The following TTI1 variants were observed in gnomAD, a reference collection of about 807,000 sequenced individuals.
The protein encoded by TTI1 is TELO2-interacting protein 1 homolog.
TTI1 carries 52 observed loss-of-function variants against 85.4 expected under a neutral mutation model. That is an observed-to-expected ratio of 0.61 (90% CI 0.49 to 0.77). The LOEUF (loss-of-function observed/expected upper bound fraction) is 0.77. Among genes scored for constraint, TTI1 ranks in the 30% least tolerant of loss-of-function variants. The pLI is 0.00. For synonymous variants in TTI1, 512 were observed against 503.9 expected (o/e 1.02, Z -0.22); for missense variants, 1,173 against 1,296.0 (o/e 0.91, Z 1.46).
chr20:37,984,953 C>T (rs1487764081), intron 7 of TTI1, among the ~76,000 whole-genome samples: 2 of 152,200 alleles, frequency 1.3e-5, no homozygotes, highest in South Asian at 2.1e-4. Flanking sequence ...TGGTGAGTTA[C>T]TACATTGCAC....
At chr20:37,999,418 A>C in intron 4 of TTI1, 90 bp from the exon 5 acceptor site, 3 of 1,288,228 alleles carry the variant, frequency 2.3e-6, no homozygotes, top group Non-Finnish European at 3.0e-6. Context: ...ACATTTAGAA[A>C]CGTATTAATT....
chr20:37,998,250 CACAT>C (rs10618231), intron 5 of TTI1, among the ~76,000 whole-genome samples: 33,415 of 151,884 alleles, frequency 0.22, 3,975 homozygotes, highest in African/African-American at 0.33. Context: ...TTCTTTGGCA[CACAT>C]ACATACACAC....
At chr20:37,993,213 G>T (rs1246735162) in intron 7 of TTI1, among the ~76,000 whole-genome samples, 1 of 21,206 alleles carries the variant, frequency 4.7e-5, no homozygotes, top group Non-Finnish European at 9.3e-5. Flanking sequence ...CCTCCCCCAT[G>T]CCTCCCCCAG....
At chr20:37,995,760 T>C (rs955988650) in intron 7 of TTI1, among the ~76,000 whole-genome samples, 1 of 152,234 alleles carries the variant, frequency 6.6e-6, no homozygotes, top group African/African-American at 2.4e-5. Flanking sequence ...CAAATAAGCA[T>C]GGTCAAACTC....
rs142076549 is a variant in TTI1, at chr20:38,007,750, T to A, written c.2303-1353A>T. 7.9e-3 allele frequency among the ~76,000 whole-genome samples: 1,199 copies of A among 152,348 alleles called. 6 individuals carry two copies. The highest frequency in any genetic ancestry group is 0.022 in the African/African-American group (934 of 41,576). On this transcript the variant is annotated intron_variant, in intron 2 of 7. Transcript: ENST00000373447. ...TGCACAGAGCAAGAGCAGCAGCAGA[T>A]GGGAGATGACAGGGCCAGGCAACTG...
At position 38,013,591 on chromosome 20, in the gene TTI1, C is replaced by G. The variant is rs146525372; in HGVS notation, c.226G>C (p.Glu76Gln). The G allele has an allele frequency of 9.0e-5, 145 of 1,614,216 alleles. 1 individual carries two copies. The East Asian group carries it at 3.2e-3, about 36-fold the overall frequency. The change falls in exon 2 of 8, where the codon GAA becomes CAA. Residue 76 changes from glutamate (E) to glutamine (Q), a missense_variant. By Grantham distance (29) the Glu-to-Gln change is conservative. Transcript: ENST00000373447. ...KRERLIQSVVECLTFVLSSTC... is the reference protein window; with the variant it reads ...KRERLIQSVVQCLTFVLSSTC... Reference sequence around the variant, plus strand: ...GAAGAAAGGACAAATGTGAGGCATTCCACCACACTTTGGATCAAACGCTCT... The same window carrying G: ...GAAGAAAGGACAAATGTGAGGCATTGCACCACACTTTGGATCAAACGCTCT...
intron 2 of TTI1, among the ~76,000 whole-genome samples, chr20:38,011,063 T>C (rs1193404465): frequency 6.6e-6 from 1 of 152,246 alleles, no homozygotes; most frequent in Non-Finnish European, 1.5e-5. Flanking sequence ...AGTACCGTTC[T>C]AGACAATATG....
chr20:38,025,706 A>C (rs2073828550), intron 1 of TTI1, among the ~76,000 whole-genome samples: 1 of 152,248 alleles, frequency 6.6e-6, no homozygotes, highest in Non-Finnish European at 1.5e-5. Flanking sequence ...AATTATGAAT[A>C]TACTTCAAAC....
At chr20:38,020,350 A>ATATATATATATATATATATG (rs1487473454) in intron 1 of TTI1, among the ~76,000 whole-genome samples, 13 of 125,824 alleles carry the variant, frequency 1.0e-4, no homozygotes, top group South Asian at 2.7e-4. Context: ...ATATATATAT[A>ATATATATATATATATATATG]TATGTATGTA....
At chr20:37,983,773 T>A in intron 7 of TTI1, 134 bp from the exon 8 acceptor site, 2 of 906,440 alleles carry the variant, frequency 2.2e-6, no homozygotes, top group Non-Finnish European at 1.5e-6. Flanking sequence ...CTTCAAATAG[T>A]AGAAAAAACC....
In TTI1 at chr20:38,013,705, G is replaced by C. The variant is rs2073639336; in HGVS notation, c.112C>G (p.Gln38Glu). ...ENVEHLQTRL[Q>E]AVSDSALQEL... The stretch of plus-strand genomic sequence containing the variant: ...TGAAGGGCACTGTCACTCACAGCTT[G>C]TAGTCGTGTCTGCAGATGCTCCACA... The change falls in exon 2 of 8, where the codon CAA becomes GAA. Residue 38 changes from glutamine to glutamate, a missense_variant. Physicochemically the swap from Gln to Glu is conservative, Grantham distance 29. Transcript: ENST00000373447. 6 of 1,614,200 alleles carry C rather than the reference G, an allele frequency of 3.7e-6. No homozygotes were observed. Among genetic ancestry groups the C allele is most frequent in the Non-Finnish European group, 5.1e-6 (6 of 1,180,036 alleles).
At chr20:38,027,842 T>A (rs143727244) in intron 1 of TTI1, among the ~76,000 whole-genome samples, 17 of 152,274 alleles carry the variant, frequency 1.1e-4, no homozygotes, top group Admixed American at 3.3e-4. Flanking sequence ...GAGAATCACT[T>A]GAACCCGGGA....
At chr20:38,030,127 T>C (rs1294774782) in intron 1 of TTI1, among the ~76,000 whole-genome samples, 1 of 150,738 alleles carries the variant, frequency 6.6e-6, no homozygotes, top group Admixed American at 6.6e-5. Flanking sequence ...ACAACCACAA[T>C]AGGAAAGAGA....
At chr20:38,014,515 G>A (rs563195005) in intron 1 of TTI1, among the ~76,000 whole-genome samples, 164 of 152,226 alleles carry the variant, frequency 1.1e-3, no homozygotes, top group Non-Finnish European at 1.8e-3. Context: ...TCAACTTTAT[G>A]CACTGAAAAG....
intron 1 of TTI1, among the ~76,000 whole-genome samples, chr20:38,028,058 G>C (rs1383663289): frequency 6.6e-6 from 1 of 152,218 alleles, no homozygotes; most frequent in Non-Finnish European, 1.5e-5. Flanking sequence ...AGAAGGGAAA[G>C]AAAATCTGCA....
chr20:37,999,149 T>C (rs2073383351), intron 5 of TTI1, 39 bp downstream of exon 5: 2 of 1,335,658 alleles, frequency 1.5e-6, no homozygotes, highest in Non-Finnish European at 1.9e-6. Context: ...CTACTAACTC[T>C]ACCCTCACAA....
At chr20:38,033,064 G>A (rs1482776157) in intron 1 of TTI1, among the ~76,000 whole-genome samples, 1 of 152,152 alleles carries the variant, frequency 6.6e-6, no homozygotes, top group Non-Finnish European at 1.5e-5. Flanking sequence ...CAGACTAAAA[G>A]GTCAAAACAG....
rs2073605369 is a variant in TTI1, at chr20:38,012,206, C to A, written c.1611G>T (p.Glu537Asp). 1.2e-6 allele frequency: 2 copies of A among 1,614,222 alleles called. No homozygotes were observed. The highest frequency in any genetic ancestry group is 1.7e-6 in the Non-Finnish European group (2 of 1,180,048). ...NELVTGAAGL[E>D]VEDLHEKHIK... The stretch of plus-strand genomic sequence containing the variant: ...TATGTTTTTCGTGAAGATCCTCAAC[C>A]TCCAGCCCAGCAGCCCCTGTAACCA... Residue 537 changes from glutamate to aspartate, a missense_variant, in exon 2 of 8, where the codon GAG (glutamate) becomes GAT (aspartate). By Grantham distance (45) the Glu-to-Asp change is conservative. Coordinates refer to ENST00000373447, the MANE Select transcript of TTI1 (RefSeq NM_001303457.2).
chr20:38,012,112 T>G lies in TTI1; in HGVS notation c.1705A>C (p.Asn569His), dbSNP rs2122584056. 1 of 1,614,180 alleles carries G rather than the reference T, an allele frequency of 6.2e-7. No individual in the cohort carries two copies. The highest frequency in any genetic ancestry group is 2.2e-5 in the East Asian group (1 of 44,874). ...SILEEYTSQE[N>H]WYLVTCLETE... ...TCAAGACAGGTAACCAAATACCAAT[T>G]TTCTTGACTTGTGTATTCTTCAAGT... Residue 569 changes from asparagine to histidine, a missense_variant, in exon 2 of 8, where the codon AAT becomes CAT. Physicochemically the swap from Asn to His is moderately conservative, Grantham distance 68 (BLOSUM62 1). Transcript: ENST00000373447.
Sources: gnomAD v4.1 joint callset for allele counts (sites outside exome capture counted in the v4.1 genomes callset) on GRCh38, gnomAD v4.1.1 for gene constraint, MANE v1.5 for transcripts, NCBI Gene and HGNC (gene_info 2026-07-23, HGNC 2026-07-21) for gene names.